The following RFX1 variants were observed in gnomAD, a reference collection of about 807,000 sequenced individuals.
The protein encoded by RFX1 is MHC class II regulatory factor RFX1.
A neutral mutation model predicts 119.6 loss-of-function variants in RFX1; 42 were observed. The observed-to-expected ratio is 0.35, with a 90% CI of 0.27 to 0.45. The LOEUF (loss-of-function observed/expected upper bound fraction) is 0.45. Among genes scored for constraint, RFX1 ranks in the 20% least tolerant of loss-of-function variants. The probability of loss-of-function intolerance (pLI) is 1.00; values close to 1 mark genes in which losing one functional copy is unlikely to be tolerated. For synonymous variants in RFX1, 628 were observed against 618.5 expected, an observed-to-expected ratio of 1.02 and a Z score of -0.23; for missense variants, 1,118 against 1,368.1, an observed-to-expected ratio of 0.82 and a Z score of 2.88.
rs1029605129 is a variant in RFX1 at position 13,986,494 on chromosome 19, C to T, written c.320-2899G>A. On this transcript the variant is annotated intron_variant, in intron 2 of 20. Coordinates refer to ENST00000254325, the MANE Select transcript of RFX1 (RefSeq NM_002918.5). This position sits in a 1 kb window ranked among gnomAD's most constrained non-coding sequence, Gnocchi z 4.2. The stretch of plus-strand genomic sequence containing the variant: ...CTGTGCAGCCATCCCTGTCTGCCTG[C>T]GGCCGGGGCAGGGCCCCTCCACCAC... 3.3e-5 allele frequency among the ~76,000 whole-genome samples: 5 copies of T among 152,314 alleles called. No homozygotes were observed. The highest frequency in any genetic ancestry group is 2.1e-4 in the South Asian group (1 of 4,834).
intron 2 of RFX1, among the ~76,000 whole-genome samples, chr19:13,984,619 T>C (rs1382855237): frequency 1.3e-5 from 2 of 152,088 alleles, no homozygotes; most frequent in Non-Finnish European, 2.9e-5. Flanking sequence ...ATCCCCTCCA[T>C]GTGACCTGGC....
chr19:13,998,111 T>C (rs2145635532), intron 1 of RFX1: 1 of 152,334 alleles, frequency 6.6e-6, no homozygotes, highest in Non-Finnish European at 1.5e-5. Context: ...ATTAACATAT[T>C]ACCAACCTTC....
Position 13,968,574 on chromosome 19 carries a change from G to T in RFX1, c.1723C>A (p.Gln575Lys). The change falls in exon 12 of 21, where the codon CAA (glutamine) becomes AAA (lysine). Residue 575 changes from glutamine to lysine, a missense_variant. By Grantham distance (53) the Gln-to-Lys change is moderately conservative. Around this residue, in one of 5 missense-constraint regions of RFX1, gnomAD observed 338 missense variants for 508.9 expected, o/e 0.66. Coordinates refer to ENST00000254325, the MANE Select transcript of RFX1 (RefSeq NM_002918.5). This position sits in a 1 kb window ranked among gnomAD's most constrained non-coding sequence, Gnocchi z 5.5. ...DISAQVQQYQ[Q>K]FLDASRSLPD... ...GCCAGGGAGCTCTCACCCAAAAATT[G>T]CTGGTACTGCTGCACCTGGGCGCTG... The T allele has an allele frequency of 6.2e-7, 1 of 1,613,018 alleles. No individual in the cohort carries two copies.
Position 13,992,172 on chromosome 19 carries a change from C to T in RFX1, c.319+1353G>A, listed in dbSNP as rs933962469. Reference sequence around the variant, plus strand: ...AAAACACACTAGCTGTGCACAGTGGCAGGCGCCTGTAGTCCCAGCTACCTA... The same window carrying T: ...AAAACACACTAGCTGTGCACAGTGGTAGGCGCCTGTAGTCCCAGCTACCTA... On this transcript the variant is annotated intron_variant, in intron 2 of 20. Coordinates refer to ENST00000254325, the MANE Select transcript of RFX1 (RefSeq NM_002918.5). Among the ~76,000 whole-genome samples the T allele has an allele frequency of 4.6e-5, 7 of 152,274 alleles. 1 individual carries two copies. Among genetic ancestry groups the T allele is most frequent in the African/African-American group, 1.7e-4 (7 of 41,556 alleles).
intron 1 of RFX1, among the ~76,000 whole-genome samples, chr19:14,004,467 C>T (rs1211074287): frequency 6.6e-6 from 1 of 152,058 alleles, no homozygotes; most frequent in East Asian, 1.9e-4. Context: ...AAAATCAAGC[C>T]ACTGCACTCC....
chr19:13,991,680 G>T (rs1232396256), intron 2 of RFX1, among the ~76,000 whole-genome samples: 2 of 151,454 alleles, frequency 1.3e-5, no homozygotes, highest in African/African-American at 2.4e-5. Context: ...CTTTTTTTTT[G>T]AGATGGATTC....
At position 13,986,612 on chromosome 19, in the gene RFX1, T is replaced by C. The variant is rs1272268887; in HGVS notation, c.320-3017A>G. On this transcript the variant is annotated intron_variant, in intron 2 of 20. Transcript: ENST00000254325. This position sits in a 1 kb window ranked among gnomAD's most constrained non-coding sequence, Gnocchi z 4.2. ...CTGCGAGCGAGCGTCTGCATCTATC[T>C]GCCGGAGATCGCCACTCTGGGCATG... Among the ~76,000 whole-genome samples the C allele has an allele frequency of 2.0e-5, 3 of 152,136 alleles. No homozygotes were observed.
rs780774852 is a variant in RFX1, at chr19:13,963,115, C to G, written c.2724+7G>C. On this transcript the variant is annotated splice_region_variant and intron_variant, in intron 19 of 20. Coordinates refer to ENST00000254325, the MANE Select transcript of RFX1 (RefSeq NM_002918.5). The stretch of plus-strand genomic sequence containing the variant: ...CGCCCGCGCCCCCAGTGGCCCGCCT[C>G]GCGCACCTCGCCCATGACGGCGATG... The G allele has an allele frequency of 8.6e-5, 139 of 1,610,490 alleles. No individual in the cohort carries two copies. Among genetic ancestry groups the G allele is most frequent in the Non-Finnish European group, 1.2e-4 (136 of 1,178,288 alleles).
chr19:13,986,922 C>A lies in RFX1; in HGVS notation c.320-3327G>T, dbSNP rs111287773. Among the ~76,000 whole-genome samples the A allele has an allele frequency of 0.031, 4,687 of 152,234 alleles. 137 individuals carry two copies. The highest frequency in any genetic ancestry group is 0.068 in the African/African-American group (2,845 of 41,536). ...CCACCTGACCCTCTGCCTCCTGCCCCTGGGCTCCCTGGGATGATGTCAGTC... is the reference window on the plus strand; with the variant it reads ...CCACCTGACCCTCTGCCTCCTGCCCATGGGCTCCCTGGGATGATGTCAGTC... On this transcript the variant is annotated intron_variant, in intron 2 of 20. Coordinates refer to ENST00000254325, the MANE Select transcript of RFX1 (RefSeq NM_002918.5). This position sits in a 1 kb window ranked among gnomAD's most constrained non-coding sequence, Gnocchi z 4.2.
Position 13,990,600 on chromosome 19 carries a change from G to A in RFX1, c.319+2925C>T, listed in dbSNP as rs1326885378. Reference sequence around the variant, plus strand: ...TTGGAGGCCGAGGCGGGTGGATCACGAGGTCAGGAGATCAAGACCATCCTG... The same window carrying A: ...TTGGAGGCCGAGGCGGGTGGATCACAAGGTCAGGAGATCAAGACCATCCTG... On this transcript the variant is annotated intron_variant, in intron 2 of 20. Coordinates refer to ENST00000254325, the MANE Select transcript of RFX1 (RefSeq NM_002918.5). This position sits in a 1 kb window ranked among gnomAD's most constrained non-coding sequence, Gnocchi z 4.1. Among the ~76,000 whole-genome samples, 16 of 152,088 alleles carry A rather than the reference G, an allele frequency of 1.1e-4. No individual in the cohort carries two copies. The highest frequency in any genetic ancestry group is 2.1e-4 in the Non-Finnish European group (14 of 68,004).
At position 13,973,158 on chromosome 19, in the gene RFX1, A is replaced by G; in HGVS notation, c.930-31T>C. ...AAAGAGGCAAAGCCAAGGGAGAGTCAGGGGGATGAGAACTGGGGGGCCGAG... is the reference window on the plus strand; with the variant it reads ...AAAGAGGCAAAGCCAAGGGAGAGTCGGGGGGATGAGAACTGGGGGGCCGAG... On this transcript the variant is annotated intron_variant, in intron 8 of 20. Coordinates refer to ENST00000254325, the MANE Select transcript of RFX1 (RefSeq NM_002918.5). The G allele has an allele frequency of 3.2e-6, 4 of 1,264,380 alleles. No individual in the cohort carries two copies. In the South Asian group the frequency reaches 3.7e-5, roughly 12 times the overall value. The allele number at this position is 1,264,380 out of a possible 1,614,324, so 78.3% of individuals were successfully genotyped here.
chr19:14,006,035 G>C (rs959118384), intron 1 of RFX1, 68 bp downstream of exon 1: 2 of 151,706 alleles, frequency 1.3e-5, no homozygotes, highest in Non-Finnish European at 2.9e-5. Context: ...TGATTACAGA[G>C]ACACCTACTG....
chr19:13,993,513 C>T lies in RFX1; in HGVS notation c.319+12G>A, dbSNP rs891909471. ...GAGAGGAGTTTTCAGGACACACGAGCGCGGCACTTACCAGAGACAGTGACC... is the reference window on the plus strand; with the variant it reads ...GAGAGGAGTTTTCAGGACACACGAGTGCGGCACTTACCAGAGACAGTGACC... On this transcript the variant is annotated intron_variant, in intron 2 of 20. Transcript: ENST00000254325. 1.1e-5 allele frequency: 17 copies of T among 1,606,512 alleles called. No homozygotes were observed. The highest frequency in any genetic ancestry group is 5.1e-5 in the Admixed American group (3 of 59,326).
At chr19:13,978,597 G>A (rs1599491505) in intron 7 of RFX1, among the ~76,000 whole-genome samples, 1 of 152,286 alleles carries the variant, frequency 6.6e-6, no homozygotes, top group South Asian at 2.1e-4. Flanking sequence ...GGACCTGGAC[G>A]GGGCTTGGGT....
At chr19:13,972,680 G>C in intron 9 of RFX1, 63 bp downstream of exon 9, 1 of 1,328,690 alleles carries the variant, frequency 7.5e-7, no homozygotes, top group Non-Finnish European at 1.0e-6. Flanking sequence ...TCATGGACTG[G>C]GCTTCTAGTG....
At position 13,986,174 on chromosome 19, in the gene RFX1, C is replaced by A. The variant is rs1974587695; in HGVS notation, c.320-2579G>T. 6.6e-6 allele frequency among the ~76,000 whole-genome samples: 1 copy of A among 152,204 alleles called. No individual in the cohort carries two copies. Among genetic ancestry groups the A allele is most frequent in the Admixed American group, 6.5e-5 (1 of 15,288 alleles). On this transcript the variant is annotated intron_variant, in intron 2 of 20. Transcript: ENST00000254325. This position sits in a 1 kb window ranked among gnomAD's most constrained non-coding sequence, Gnocchi z 4.2. ...GGTCCGTGGGGTCCAAGGACTCAGG[C>A]CCAGCCTAAGGGATGGTGTCTCACC...
intron 9 of RFX1, among the ~76,000 whole-genome samples, chr19:13,970,391 T>G (rs886684716): frequency 2.6e-5 from 4 of 152,026 alleles, no homozygotes; most frequent in Non-Finnish European, 5.9e-5. Context: ...GCTAAATACA[T>G]TAAAGGCCGG....
intron 8 of RFX1, among the ~76,000 whole-genome samples, 190 bp downstream of exon 8, chr19:13,977,802 G>C (rs1373916551): frequency 6.6e-6 from 1 of 151,880 alleles, no homozygotes; most frequent in Non-Finnish European, 1.5e-5. Flanking sequence ...AACCTTCAAG[G>C]GTCCCTCTGC....
chr19:13,976,167 C>T (rs1339773480), intron 8 of RFX1, among the ~76,000 whole-genome samples: 60 of 152,182 alleles, frequency 3.9e-4, no homozygotes, highest in African/African-American at 2.4e-5. Context: ...GGTAGCCGGA[C>T]GCCGGGGACC....
Sources: allele counts gnomAD v4.1 joint callset (sites outside exome capture counted in the v4.1 genomes callset), GRCh38; gene constraint gnomAD v4.1.1; regional missense constraint gnomAD v4.1.1; non-coding constraint Gnocchi (gnomAD v3.1); transcripts MANE v1.5; gene names NCBI Gene and HGNC (gene_info 2026-07-23, HGNC 2026-07-21).